KCNQ5: variants seen among roughly 807,000 people sequenced by gnomAD.
KCNQ5 encodes potassium voltage-gated channel subfamily Q member 5.
Under a neutral mutation model 98.2 loss-of-function variants are expected in KCNQ5, and 30 were observed. That is an observed-to-expected ratio of 0.31 (90% CI 0.23 to 0.41). KCNQ5 has a LOEUF of 0.41. Among genes scored for constraint, KCNQ5 ranks in the 10% least tolerant of loss-of-function variants. KCNQ5 has a pLI of 1.00. For missense variants in KCNQ5, 835 were observed against 1,182.5 expected (o/e 0.71, Z 4.31); for synonymous variants, 458 against 449.4 (o/e 1.02, Z -0.24).
Position 73,160,783 on chromosome 6 carries a change from A to G in KCNQ5, c.1469-8963A>G, listed in dbSNP as rs534163217. On this transcript the variant is annotated intron_variant, in intron 10 of 13. Coordinates refer to ENST00000370398, the MANE Select transcript of KCNQ5 (RefSeq NM_019842.4). Reference sequence around the variant, plus strand: ...CAGTGGTCTTTGCCCTTGGCTATACATCGCATTCTTCCAGAGAGCTGGGAA... The same window carrying G: ...CAGTGGTCTTTGCCCTTGGCTATACGTCGCATTCTTCCAGAGAGCTGGGAA... Among the ~76,000 whole-genome samples, 9 of 152,268 alleles carry G rather than the reference A, an allele frequency of 5.9e-5. No homozygotes were observed. In the South Asian group the frequency reaches 6.2e-4, roughly 11 times the overall value.
chr6:73,056,592 G>C (rs1350350092), intron 3 of KCNQ5, among the ~76,000 whole-genome samples: 1 of 152,044 alleles, frequency 6.6e-6, no homozygotes, highest in Non-Finnish European at 1.5e-5. Flanking sequence ...ATCCCTCCCT[G>C]CCTTGTTTCA....
intron 1 of KCNQ5, among the ~76,000 whole-genome samples, chr6:72,797,922 A>G (rs1375663476): frequency 2.0e-5 from 3 of 152,202 alleles, no homozygotes; most frequent in Non-Finnish European, 2.9e-5. Flanking sequence ...TGGCTCAAAT[A>G]TGAATATCAC....
intron 1 of KCNQ5, among the ~76,000 whole-genome samples, chr6:72,995,385 AG>A (rs1769246872): frequency 6.6e-6 from 1 of 151,440 alleles, no homozygotes; most frequent in Non-Finnish European, 1.5e-5. Flanking sequence ...AAAAAAAAAA[AG>A]GGAAAGAACA....
chr6:72,726,023 G>C (rs7772876), intron 1 of KCNQ5, among the ~76,000 whole-genome samples: 55,474 of 151,364 alleles, frequency 0.37, 13,766 homozygotes, highest in African/African-American at 0.67. Context: ...TAATCCCAAA[G>C]TAATTTACAG....
intron 1 of KCNQ5, among the ~76,000 whole-genome samples, chr6:72,880,463 A>G (rs1266760513): frequency 1.3e-5 from 2 of 152,136 alleles, no homozygotes; most frequent in Non-Finnish European, 1.5e-5. Context: ...ACCTCCAAAT[A>G]TCATTACCTT....
At chr6:73,057,445 AT>A (rs1194806705) in intron 3 of KCNQ5, among the ~76,000 whole-genome samples, 4 of 152,122 alleles carry the variant, frequency 2.6e-5, no homozygotes, top group Non-Finnish European at 4.4e-5. Context: ...AAATCTGCAC[AT>A]TGTGCACATG....
At chr6:72,646,734 T>C (rs1349077873) in intron 1 of KCNQ5, among the ~76,000 whole-genome samples, 1 of 152,250 alleles carries the variant, frequency 6.6e-6, no homozygotes, top group Non-Finnish European at 1.5e-5. Flanking sequence ...TAAGCATACA[T>C]TGCAGGGTGC....
intron 1 of KCNQ5, among the ~76,000 whole-genome samples, chr6:72,972,113 G>T (rs533678840): frequency 2.0e-5 from 3 of 152,038 alleles, no homozygotes; most frequent in African/African-American, 7.2e-5. Flanking sequence ...TCTAGCTACC[G>T]GTAAAGAAAT....
intron 10 of KCNQ5, among the ~76,000 whole-genome samples, chr6:73,152,722 T>C (rs1777201177): frequency 6.6e-6 from 1 of 152,182 alleles, no homozygotes. Context: ...TAGAGCTGAT[T>C]AACTTTGATC....
chr6:72,908,905 C>A (rs976170511), intron 1 of KCNQ5, among the ~76,000 whole-genome samples: 1 of 151,912 alleles, frequency 6.6e-6, no homozygotes, highest in African/African-American at 2.4e-5. Flanking sequence ...TTGAATATGC[C>A]ACCTGTGCTT....
At chr6:72,905,717 G>A (rs1370785129) in intron 1 of KCNQ5, among the ~76,000 whole-genome samples, 1 of 152,138 alleles carries the variant, frequency 6.6e-6, no homozygotes, top group Non-Finnish European at 1.5e-5. Flanking sequence ...CTAGTACTGT[G>A]GGTTGTCTGC....
At chr6:72,861,563 AG>A (rs1777763796) in intron 1 of KCNQ5, among the ~76,000 whole-genome samples, 1 of 152,204 alleles carries the variant, frequency 6.6e-6, no homozygotes, top group South Asian at 2.1e-4. Flanking sequence ...CTTCTGCAAA[AG>A]ATTCTCCTTA....
rs1437749794 is a variant in KCNQ5, at chr6:72,866,249, TC to T, written c.399-137656del. ...GCTTATTCTAGTTTCCTCCGCCATCTCCCTTTTTTTTTTTTTTTTTTTTTGA... is the reference window on the plus strand; with the variant it reads ...GCTTATTCTAGTTTCCTCCGCCATCTCCTTTTTTTTTTTTTTTTTTTTTGA... On this transcript the variant is annotated intron_variant, in intron 1 of 13. Transcript: ENST00000370398. Among the ~76,000 whole-genome samples the T allele has an allele frequency of 3.0e-5, 4 of 134,352 alleles. No individual in the cohort carries two copies. In the East Asian group the frequency reaches 8.9e-4, roughly 30 times the overall value. The allele number at this position is 134,352 out of a possible 152,430, so 88.1% of individuals were successfully genotyped here.
chr6:72,694,245 T>C (rs1244970897), intron 1 of KCNQ5, among the ~76,000 whole-genome samples: 2 of 152,202 alleles, frequency 1.3e-5, no homozygotes, highest in Non-Finnish European at 2.9e-5. Context: ...ATACAACATC[T>C]GTGACCCTTA....
intron 11 of KCNQ5, among the ~76,000 whole-genome samples, chr6:73,172,359 T>A (rs1322921775): frequency 1.4e-5 from 2 of 148,014 alleles, no homozygotes. Flanking sequence ...CAAGACTCTG[T>A]CTCAAAAATA....
chr6:72,842,632 T>C (rs1300807335), intron 1 of KCNQ5, among the ~76,000 whole-genome samples: 4 of 152,180 alleles, frequency 2.6e-5, no homozygotes, highest in Admixed American at 1.3e-4. Flanking sequence ...TTTCTCCACA[T>C]CCTCTCCAGC....
At chr6:72,847,476 T>C (rs970686415) in intron 1 of KCNQ5, among the ~76,000 whole-genome samples, 1 of 152,222 alleles carries the variant, frequency 6.6e-6, no homozygotes. Flanking sequence ...TTTATATGGT[T>C]GTGGTGGTGA....
chr6:73,055,777 C>A, intron 3 of KCNQ5: 1 of 931,080 alleles, frequency 1.1e-6, no homozygotes, highest in Non-Finnish European at 1.8e-6. Flanking sequence ...TCAAGCCCAG[C>A]CCACGCAGTT....
intron 1 of KCNQ5, among the ~76,000 whole-genome samples, chr6:72,738,388 T>A (rs1488478412): frequency 6.6e-6 from 1 of 151,938 alleles, no homozygotes; most frequent in East Asian, 1.9e-4. Flanking sequence ...TAAAAAAAAA[T>A]TATTCTCTAA....
Sources: gnomAD v4.1 joint callset for allele counts (sites outside exome capture counted in the v4.1 genomes callset) on GRCh38, gnomAD v4.1.1 for gene constraint, MANE v1.5 for transcripts, NCBI Gene and HGNC (gene_info 2026-07-23, HGNC 2026-07-21) for gene names.